ASAP2: variants seen among roughly 807,000 people sequenced by gnomAD.
ASAP2 encodes the protein arf-GAP with SH3 domain, ANK repeat and PH domain-containing protein 2.
In ASAP2, 45 loss-of-function variants were observed where a neutral mutation model predicts 131.4. That is an observed-to-expected ratio of 0.34 (90% CI 0.27 to 0.44). The LOEUF is 0.44. ASAP2 is among the 20% of genes least tolerant of loss of function. The probability of loss-of-function intolerance (pLI) is 1.00; values close to 1 mark genes in which losing one functional copy is unlikely to be tolerated. For missense variants in ASAP2, 1,011 were observed against 1,297.0 expected (o/e 0.78, Z 3.39); for synonymous variants, 510 against 503.0 (o/e 1.01, Z -0.19).
chr2:9,228,460 A>C (rs914212798), intron 1 of ASAP2, among the ~76,000 whole-genome samples: 1 of 152,004 alleles, frequency 6.6e-6, no homozygotes, highest in Non-Finnish European at 1.5e-5. Context: ...TTTGGTTGCT[A>C]TGTTTTGGTA....
intron 1 of ASAP2, among the ~76,000 whole-genome samples, chr2:9,208,592 C>T (rs1239050186): frequency 6.6e-6 from 1 of 152,112 alleles, no homozygotes; most frequent in African/African-American, 2.4e-5. Context: ...GGGTAGCCTT[C>T]CTTCTCTCCA....
intron 15 of ASAP2, among the ~76,000 whole-genome samples, chr2:9,366,430 T>C (rs1186842960): frequency 6.6e-6 from 1 of 152,160 alleles, no homozygotes; most frequent in African/African-American, 2.4e-5. Flanking sequence ...GGAAAACCAT[T>C]GTGCTCACCT....
chr2:9,380,723 C>T lies in ASAP2; in HGVS notation c.1949-18C>T, dbSNP rs756653046. ...GGGTTTTGCCTTAACGCCTCCTTTG[C>T]TCGCCCTTGAATTTTAGCAAACGAG... On this transcript the variant is annotated intron_variant, in intron 19 of 27. Coordinates refer to ENST00000281419, the MANE Select transcript of ASAP2 (RefSeq NM_003887.3). 2.5e-6 allele frequency: 4 copies of T among 1,614,036 alleles called. No homozygotes were observed. The South Asian group carries it at 4.4e-5, about 18-fold the overall frequency.
At position 9,389,787 on chromosome 2, in the gene ASAP2, C is replaced by T. The variant is rs1675575312; in HGVS notation, c.2383+1241C>T. Among the ~76,000 whole-genome samples the T allele has an allele frequency of 2.0e-5, 3 of 152,192 alleles. No homozygotes were observed. Among genetic ancestry groups the T allele is most frequent in the Admixed American group, 2.0e-4 (3 of 15,274 alleles). Reference sequence around the variant, plus strand: ...GCCCACATCCCAGACCGCGTCCATCCCTGGCTTGATGAGGACGTCCCTGAG... The same window carrying T: ...GCCCACATCCCAGACCGCGTCCATCTCTGGCTTGATGAGGACGTCCCTGAG... On this transcript the variant is annotated intron_variant, in intron 22 of 27. Transcript: ENST00000281419. This position sits in a 1 kb window ranked among gnomAD's most constrained non-coding sequence, Gnocchi z 4.7.
chr2:9,216,751 A>G (rs1177878788), intron 1 of ASAP2, among the ~76,000 whole-genome samples: 1 of 151,826 alleles, frequency 6.6e-6, no homozygotes, highest in Non-Finnish European at 1.5e-5. Context: ...GTGAGCCACC[A>G]TGCCCGGTCC....
intron 3 of ASAP2, among the ~76,000 whole-genome samples, chr2:9,317,748 AC>A (rs1002201277): frequency 1.1e-4 from 17 of 150,536 alleles, no homozygotes; most frequent in Non-Finnish European, 2.2e-4. Context: ...ATCCACACTC[AC>A]ACTCACATCC....
chr2:9,251,634 A>C (rs1664714956), intron 1 of ASAP2, among the ~76,000 whole-genome samples: 1 of 152,066 alleles, frequency 6.6e-6, no homozygotes, highest in Non-Finnish European at 1.5e-5. Flanking sequence ...CCTTGGGAGA[A>C]GGGGAAGGGA....
At chr2:9,339,303 G>T (rs1482130236) in intron 9 of ASAP2, among the ~76,000 whole-genome samples, 1 of 152,078 alleles carries the variant, frequency 6.6e-6, no homozygotes, top group Non-Finnish European at 1.5e-5. Flanking sequence ...CAGAGCAGAA[G>T]AGCATGGATC....
At chr2:9,216,445 C>G (rs1300463102) in intron 1 of ASAP2, among the ~76,000 whole-genome samples, 1 of 149,084 alleles carries the variant, frequency 6.7e-6, no homozygotes, top group Non-Finnish European at 1.5e-5. Flanking sequence ...CCCCACCATG[C>G]CTGTTTAATT....
chr2:9,212,463 C>T (rs1416801371), intron 1 of ASAP2, among the ~76,000 whole-genome samples: 1 of 152,020 alleles, frequency 6.6e-6, no homozygotes, highest in African/African-American at 2.4e-5. Flanking sequence ...TTCTGGTCTT[C>T]TGTACCTGCC....
At chr2:9,237,993 T>C (rs1433982146) in intron 1 of ASAP2, among the ~76,000 whole-genome samples, 2 of 148,788 alleles carry the variant, frequency 1.3e-5, no homozygotes, top group Non-Finnish European at 3.0e-5. Flanking sequence ...TGTGGATCCG[T>C]GGGCTGGCGT....
intron 24 of ASAP2, among the ~76,000 whole-genome samples, chr2:9,397,754 T>A (rs867285490): frequency 5.4e-4 from 52 of 95,472 alleles, no homozygotes; most frequent in African/African-American, 3.3e-3. Context: ...ATATATATTT[T>A]TTTTTTTTTT....
chr2:9,396,649 T>G (rs1234575215), intron 24 of ASAP2, among the ~76,000 whole-genome samples: 1 of 152,194 alleles, frequency 6.6e-6, no homozygotes, highest in Non-Finnish European at 1.5e-5. Flanking sequence ...AATCTGCCAT[T>G]TTAACCAGAA....
chr2:9,240,242 A>G (rs1470320378), intron 1 of ASAP2, among the ~76,000 whole-genome samples: 1 of 142,156 alleles, frequency 7.0e-6, no homozygotes, highest in Admixed American at 7.1e-5. Flanking sequence ...TCTTCCTCCC[A>G]TAATTTTTTT....
chr2:9,241,737 A>G (rs1349156478), intron 1 of ASAP2, among the ~76,000 whole-genome samples: 1 of 152,134 alleles, frequency 6.6e-6, no homozygotes, highest in Non-Finnish European at 1.5e-5. Flanking sequence ...TATATTTTCA[A>G]CTCCTCCAAC....
chr2:9,327,717 A>G (rs1670570436), intron 6 of ASAP2, 109 bp from the exon 7 acceptor site: 7 of 742,902 alleles, frequency 9.4e-6, no homozygotes, highest in South Asian at 9.1e-5. Flanking sequence ...CACTCTACGC[A>G]TTGTAAAAGA....
intron 1 of ASAP2, among the ~76,000 whole-genome samples, chr2:9,210,171 C>G (rs1661434559): frequency 6.6e-6 from 1 of 152,180 alleles, no homozygotes; most frequent in Non-Finnish European, 1.5e-5. Flanking sequence ...TTTCAGAAAC[C>G]ATGCTGCTTC....
chr2:9,308,942 G>A (rs142821052), intron 3 of ASAP2, among the ~76,000 whole-genome samples: 38 of 152,282 alleles, frequency 2.5e-4, no homozygotes, highest in Non-Finnish European at 4.4e-4. Flanking sequence ...CTGGATACCC[G>A]TTCTTTCAGA....
intron 1 of ASAP2, among the ~76,000 whole-genome samples, chr2:9,228,649 G>A (rs1017595809): frequency 2.6e-5 from 4 of 152,134 alleles, no homozygotes; most frequent in Non-Finnish European, 5.9e-5. Context: ...CCATCTGGCC[G>A]TCACAGAGGC....
Sources: allele counts gnomAD v4.1 joint callset (sites outside exome capture counted in the v4.1 genomes callset), GRCh38; gene constraint gnomAD v4.1.1; non-coding constraint Gnocchi (gnomAD v3.1); transcripts MANE v1.5; gene names NCBI Gene and HGNC (gene_info 2026-07-23, HGNC 2026-07-21).